The following PNLIPRP3 variants were observed in gnomAD, a reference collection of about 807,000 sequenced individuals.
PNLIPRP3 encodes pancreatic lipase related protein 3.
A neutral mutation model predicts 52.8 loss-of-function variants in PNLIPRP3; 58 were observed. The observed-to-expected ratio is 1.10, with a 90% CI of 0.89 to 1.37. PNLIPRP3 has a LOEUF of 1.37. Among genes scored for constraint, PNLIPRP3 ranks in the 40% most tolerant of loss-of-function variants. The pLI is 0.00. For missense variants in PNLIPRP3, 593 were observed against 561.6 expected (o/e 1.06, Z -0.57); for synonymous variants, 192 against 185.0 (o/e 1.04, Z -0.31).
chr10:116,464,684 G>A (rs1846252094), intron 7 of PNLIPRP3, among the ~76,000 whole-genome samples: 1 of 152,242 alleles, frequency 6.6e-6, no homozygotes, highest in Non-Finnish European at 1.5e-5. Flanking sequence ...GAGATGGCAG[G>A]AACCACGCAG....
At chr10:116,433,430 T>A (rs1845735520) in intron 1 of PNLIPRP3, among the ~76,000 whole-genome samples, 1 of 152,132 alleles carries the variant, frequency 6.6e-6, no homozygotes, top group Admixed American at 6.5e-5. Flanking sequence ...TACAAATGGC[T>A]AGAAATGCAC....
chr10:116,462,354 T>C (rs1846205117), intron 7 of PNLIPRP3, among the ~76,000 whole-genome samples: 1 of 150,618 alleles, frequency 6.6e-6, no homozygotes, highest in Non-Finnish European at 1.5e-5. Flanking sequence ...TGATAATGGA[T>C]ACCTGGATGA....
In PNLIPRP3 at chr10:116,461,081, G is replaced by A. The variant is rs1846185137; in HGVS notation, c.681G>A (p.Glu227=). The A allele has an allele frequency of 4.3e-6, 7 of 1,614,024 alleles. No homozygotes were observed. Among genetic ancestry groups the A allele is most frequent in the Non-Finnish European group, 5.9e-6 (7 of 1,180,040 alleles). The part of the protein sequence containing the change: ...IHTNAARILF[E]LGVGTIDACG... ...CAAATGCAGCTCGCATCCTCTTTGA[G>A]CTTGGTAAGTTTTAACAGAATCAGA... The change falls in exon 6 of 12, where the codon GAG becomes GAA. Residue 227 remains glutamate, a synonymous_variant. Coordinates refer to ENST00000369230, the MANE Select transcript of PNLIPRP3 (RefSeq NM_001011709.3).
intron 9 of PNLIPRP3, among the ~76,000 whole-genome samples, chr10:116,469,643 CA>C (rs1215144197): frequency 2.0e-5 from 3 of 152,144 alleles, no homozygotes; most frequent in Non-Finnish European, 4.4e-5. Flanking sequence ...GGAAGTATTC[CA>C]GGCAGAAGTG....
chr10:116,468,449 C>T (rs1260286729), intron 8 of PNLIPRP3, among the ~76,000 whole-genome samples: 2 of 152,170 alleles, frequency 1.3e-5, no homozygotes, highest in Non-Finnish European at 2.9e-5. Flanking sequence ...TAAGCTTTAC[C>T]TCCTTGTCCG....
chr10:116,454,591 A>G (rs1359904457), intron 4 of PNLIPRP3, among the ~76,000 whole-genome samples: 2 of 152,228 alleles, frequency 1.3e-5, no homozygotes, highest in African/African-American at 4.8e-5. Context: ...CCCCAATCTC[A>G]GTCCCTGATA....
At chr10:116,429,305 T>A (rs1359268757) in intron 1 of PNLIPRP3, among the ~76,000 whole-genome samples, 2 of 152,202 alleles carry the variant, frequency 1.3e-5, no homozygotes, top group African/African-American at 2.4e-5. Context: ...GATATCTTAT[T>A]GTGTATATGC....
At chr10:116,449,290 T>C (rs917808594) in intron 4 of PNLIPRP3, among the ~76,000 whole-genome samples, 4 of 34,028 alleles carry the variant, frequency 1.2e-4, no homozygotes, top group Non-Finnish European at 6.7e-4. Flanking sequence ...TCAAAAGATA[T>C]AGAGTGATTG....
At chr10:116,474,703 T>C (rs548877009) in intron 10 of PNLIPRP3, among the ~76,000 whole-genome samples, 63 of 151,998 alleles carry the variant, frequency 4.1e-4, no homozygotes, top group South Asian at 2.9e-3. Context: ...GAAAAAAAGC[T>C]CAACATCACT....
At chr10:116,443,201 C>T (rs1483568971) in intron 3 of PNLIPRP3, 27 bp downstream of exon 3, 2 of 1,593,356 alleles carry the variant, frequency 1.3e-6, no homozygotes, top group South Asian at 2.3e-5. Context: ...CTCCTTTTTA[C>T]ACTAGCATGC....
rs200331020 is a variant in PNLIPRP3 at position 116,469,239 on chromosome 10, G to A, written c.982G>A (p.Asp328Asn). Residue 328 changes from aspartate (D) to asparagine (N), a missense_variant, in exon 9 of 12, where the codon GAT (aspartate) becomes AAT (asparagine). By Grantham distance (23) the Asp-to-Asn change is conservative (BLOSUM62 1). Coordinates refer to ENST00000369230, the MANE Select transcript of PNLIPRP3 (RefSeq NM_001011709.3). ...TTGCCCAACAATGGGTCATTTTGCT[G>A]ATAGATTTCACTTCAAAAATATGAA... ...EGCPTMGHFA[D>N]RFHFKNMKTN... is the part of the protein sequence containing the mutation. 19 of 1,612,268 alleles carry A rather than the reference G, an allele frequency of 1.2e-5. No individual in the cohort carries two copies. In the East Asian group the frequency reaches 4.0e-4, roughly 34 times the overall value.
chr10:116,452,492 C>T (rs1027232422), intron 4 of PNLIPRP3, among the ~76,000 whole-genome samples: 23 of 152,140 alleles, frequency 1.5e-4, no homozygotes, highest in African/African-American at 5.3e-4. Flanking sequence ...GGGGAAAAGG[C>T]CTGAAAGGCA....
At chr10:116,439,584 T>A (rs1387370073) in intron 2 of PNLIPRP3, 22 of 810,558 alleles carry the variant, frequency 2.7e-5, no homozygotes, top group Non-Finnish European at 4.3e-5. Flanking sequence ...GTCAGCAACA[T>A]CCTTCTCATA....
At chr10:116,458,474 T>C (rs1846147181) in intron 5 of PNLIPRP3, among the ~76,000 whole-genome samples, 1 of 151,844 alleles carries the variant, frequency 6.6e-6, no homozygotes, top group Non-Finnish European at 1.5e-5. Context: ...TTTAATCTGA[T>C]TGCCTTGTCC....
chr10:116,443,797 GTGTGCATA>G lies in PNLIPRP3; in HGVS notation c.325-583_325-576del, dbSNP rs1324073440. ...TGTGTGTGTGTGTGTATGTATGTGT[GTGTGCATA>G]TATATATATATATATATATATATAT... On this transcript the variant is annotated intron_variant, in intron 3 of 11. Coordinates refer to ENST00000369230, the MANE Select transcript of PNLIPRP3 (RefSeq NM_001011709.3). Among the ~76,000 whole-genome samples the G allele has an allele frequency of 7.4e-4, 89 of 120,126 alleles. 4 individuals are homozygous for G. Among genetic ancestry groups the G allele is most frequent in the East Asian group, 2.6e-3 (10 of 3,776 alleles). 78.8% of individuals were successfully genotyped at this position (120,126 alleles called of 152,430 possible). A position where few individuals can be genotyped will look rare whatever the true frequency, so the allele number is the denominator to read the frequency against.
At chr10:116,443,786 T>A (rs1316850318) in intron 3 of PNLIPRP3, among the ~76,000 whole-genome samples, 2 of 16,454 alleles carry the variant, frequency 1.2e-4, no homozygotes, top group East Asian at 2.7e-3. Flanking sequence ...TGTGTGTGTG[T>A]ATGTATGTGT....
At chr10:116,474,275 C>T (rs970835147) in intron 10 of PNLIPRP3, among the ~76,000 whole-genome samples, 1 of 152,120 alleles carries the variant, frequency 6.6e-6, no homozygotes, top group African/African-American at 2.4e-5. Context: ...CTCTTGCTTA[C>T]ACCATATATT....
At chr10:116,428,140 T>A in intron 1 of PNLIPRP3, 79 bp downstream of exon 1, 1 of 1,065,050 alleles carries the variant, frequency 9.4e-7, no homozygotes, top group Non-Finnish European at 1.4e-6. Flanking sequence ...CATGAACTTA[T>A]TCTTTAGAAA....
Position 116,436,761 on chromosome 10 carries a change from TGGACCA to T in PNLIPRP3, c.105_110del (p.Arg36_Thr37del). On this transcript the variant is annotated inframe_deletion, in exon 2 of 12. Coordinates refer to ENST00000369230, the MANE Select transcript of PNLIPRP3 (RefSeq NM_001011709.3). ...AGGGTGTTTCAAAGATGGTTTACCA[TGGACCA>T]GGACTTTCTCAACAGAGTTGGTAGG... The T allele has an allele frequency of 6.2e-7, 1 of 1,613,580 alleles. No homozygotes were observed. The highest frequency in any genetic ancestry group is 8.5e-7 in the Non-Finnish European group (1 of 1,179,756).
Sources: allele counts gnomAD v4.1 joint callset (sites outside exome capture counted in the v4.1 genomes callset), GRCh38; gene constraint gnomAD v4.1.1; transcripts MANE v1.5; gene names NCBI Gene and HGNC (gene_info 2026-07-23, HGNC 2026-07-21).